The following NDFIP1 variants were observed in gnomAD, a reference collection of about 807,000 sequenced individuals.
The protein encoded by NDFIP1 is NEDD4 family-interacting protein 1.
A neutral mutation model predicts 28.8 loss-of-function variants in NDFIP1; 7 were observed. That is an observed-to-expected ratio of 0.24 (90% CI 0.14 to 0.46). The LOEUF (loss-of-function observed/expected upper bound fraction) is 0.46. Ranked by LOEUF, NDFIP1 falls within the 20% of genes least tolerant of loss-of-function variation. The pLI, the probability that NDFIP1 is intolerant of heterozygous loss-of-function variation, is 0.99. For missense variants in NDFIP1, 194 were observed against 269.1 expected, an observed-to-expected ratio of 0.72 and a Z score of 1.95; for synonymous variants, 92 against 101.0, an observed-to-expected ratio of 0.91 and a Z score of 0.53.
Position 142,137,890 on chromosome 5 carries a change from CAG to C in NDFIP1, c.495+37_495+38del, listed in dbSNP as rs1319963003. On this transcript the variant is annotated intron_variant, in intron 5 of 7. Coordinates refer to ENST00000253814, the MANE Select transcript of NDFIP1 (RefSeq NM_030571.4). ...TGTATAACAGAAAAGATGGGCTCTA[CAG>C]AGAGGCAATAATCAGAATATTTTTG... is the stretch of plus-strand genomic sequence containing the variant. 2.5e-6 allele frequency: 4 copies of C among 1,588,832 alleles called. No homozygotes were observed. The East Asian group carries it at 9.0e-5, about 36-fold the overall frequency.
chr5:142,134,548 C>T (rs1178348726), intron 3 of NDFIP1, among the ~76,000 whole-genome samples: 1 of 152,146 alleles, frequency 6.6e-6, no homozygotes, highest in Non-Finnish European at 1.5e-5. Context: ...GTTCCCACTC[C>T]CCAGGGGAAC....
intron 1 of NDFIP1, among the ~76,000 whole-genome samples, chr5:142,128,750 T>C (rs748767074): frequency 2.0e-5 from 3 of 152,168 alleles, no homozygotes; most frequent in Non-Finnish European, 4.4e-5. Context: ...TATTTTTCAA[T>C]TGAAAAAAGT....
intron 1 of NDFIP1, among the ~76,000 whole-genome samples, chr5:142,116,096 CTG>C (rs1757064540): frequency 1.3e-5 from 2 of 152,190 alleles, no homozygotes; most frequent in South Asian, 2.1e-4. Context: ...TGAGGGATGA[CTG>C]TATGATATGT....
At chr5:142,112,370 CAAG>C (rs1757023066) in intron 1 of NDFIP1, among the ~76,000 whole-genome samples, 1 of 149,882 alleles carries the variant, frequency 6.7e-6, no homozygotes, top group South Asian at 2.1e-4. Flanking sequence ...GGCGACAGAG[CAAG>C]ACTCTGTTTA....
intron 1 of NDFIP1, among the ~76,000 whole-genome samples, chr5:142,111,733 G>A (rs536837751): frequency 6.6e-6 from 1 of 152,342 alleles, no homozygotes; most frequent in African/African-American, 2.4e-5. Context: ...AGTGTAATAT[G>A]TGGACAACTT....
intron 7 of NDFIP1, among the ~76,000 whole-genome samples, chr5:142,146,885 G>C (rs1757394880): frequency 6.6e-6 from 1 of 152,144 alleles, no homozygotes; most frequent in African/African-American, 2.4e-5. Context: ...TAAAATTTCT[G>C]AAATGTTTTT....
intron 1 of NDFIP1, among the ~76,000 whole-genome samples, chr5:142,120,713 C>G (rs554139951): frequency 1.3e-5 from 2 of 152,300 alleles, no homozygotes; most frequent in African/African-American, 4.8e-5. Context: ...TGTTCTGTCC[C>G]CAGACCCCAC....
chr5:142,147,991 C>T (rs1418067115), intron 7 of NDFIP1, among the ~76,000 whole-genome samples: 1 of 152,172 alleles, frequency 6.6e-6, no homozygotes, highest in African/African-American at 2.4e-5. Context: ...TGGACTTCTA[C>T]TTCTTTGATG....
chr5:142,120,144 CG>C (rs1164972280), intron 1 of NDFIP1, among the ~76,000 whole-genome samples: 1 of 152,140 alleles, frequency 6.6e-6, no homozygotes, highest in East Asian at 1.9e-4. Flanking sequence ...TTAGTAGAGA[CG>C]GGGTTTCACT....
Position 142,134,599 on chromosome 5 carries a change from A to G in NDFIP1, c.283-1131A>G, listed in dbSNP as rs367672309. The stretch of plus-strand genomic sequence containing the variant: ...GGGTCTTCCAGACCCTTTTCTGTGT[A>G]CAACAAGTTTTGATATTCCCTAAAA... On this transcript the variant is annotated intron_variant, in intron 3 of 7. Transcript: ENST00000253814. Among the ~76,000 whole-genome samples the G allele has an allele frequency of 8.5e-5, 13 of 152,310 alleles. No homozygotes were observed. The East Asian group carries it at 1.7e-3, about 20-fold the overall frequency.
At chr5:142,123,012 G>C (rs191105416) in intron 1 of NDFIP1, among the ~76,000 whole-genome samples, 1 of 152,160 alleles carries the variant, frequency 6.6e-6, no homozygotes, top group Non-Finnish European at 1.5e-5. Context: ...GCCCAGGCTG[G>C]AGTGCAGTGG....
chr5:142,131,387 G>T (rs1757225516), intron 1 of NDFIP1, among the ~76,000 whole-genome samples: 1 of 152,142 alleles, frequency 6.6e-6, no homozygotes, highest in East Asian at 1.9e-4. Context: ...CGATTCTTGT[G>T]CCTCAGCCTC....
In NDFIP1 at chr5:142,153,094, T is replaced by C. The variant is rs1417867628; in HGVS notation, c.*1366T>C. 3 of 342,448 alleles carry C rather than the reference T, an allele frequency of 8.8e-6. No individual in the cohort carries two copies. The highest frequency in any genetic ancestry group is 1.7e-5 in the Non-Finnish European group (3 of 174,032). The allele number at this position is 342,448 out of a possible 1,614,324, so 21.2% of individuals were successfully genotyped here. On this transcript the variant is annotated 3_prime_UTR_variant, in exon 8 of 8. Transcript: ENST00000253814. Reference sequence around the variant, plus strand: ...TTTTAGATAATTTATTTCCAGTGTTTTCTGCATGTTCTCATTTGTTCTTTT... The same window carrying C: ...TTTTAGATAATTTATTTCCAGTGTTCTCTGCATGTTCTCATTTGTTCTTTT...
Position 142,108,964 on chromosome 5 carries a change from C to T in NDFIP1, c.-11C>T. The T allele has an allele frequency of 6.9e-7, 1 of 1,439,510 alleles. No homozygotes were observed. Among genetic ancestry groups the T allele is most frequent in the Non-Finnish European group, 9.1e-7 (1 of 1,099,516 alleles). 89.2% of individuals were successfully genotyped at this position (1,439,510 alleles called of 1,614,324 possible). On this transcript the variant is annotated 5_prime_UTR_variant, in exon 1 of 8. Coordinates refer to ENST00000253814, the MANE Select transcript of NDFIP1 (RefSeq NM_030571.4). Reference sequence around the variant, plus strand: ...GCTCGCTCGCTCTGCTTCCCTGCTGCCGGCTGCGCCATGGCGTTGGCGTTG... The same window carrying T: ...GCTCGCTCGCTCTGCTTCCCTGCTGTCGGCTGCGCCATGGCGTTGGCGTTG...
intron 6 of NDFIP1, among the ~76,000 whole-genome samples, chr5:142,141,862 G>A (rs928894209): frequency 1.3e-5 from 2 of 152,156 alleles, no homozygotes; most frequent in South Asian, 2.1e-4. Context: ...CAGGCATGGT[G>A]GCTCACGCCT....
intron 1 of NDFIP1, among the ~76,000 whole-genome samples, chr5:142,111,751 G>A (rs1434109694): frequency 6.6e-6 from 1 of 152,202 alleles, no homozygotes; most frequent in Non-Finnish European, 1.5e-5. Flanking sequence ...CTTGAATTTA[G>A]CATAGTGACA....
At chr5:142,147,100 T>C (rs772835597) in intron 7 of NDFIP1, among the ~76,000 whole-genome samples, 3 of 152,178 alleles carry the variant, frequency 2.0e-5, no homozygotes, top group Non-Finnish European at 4.4e-5. Flanking sequence ...GTTTATTTGC[T>C]TTTCTATTTA....
At chr5:142,142,127 A>G (rs1478261920) in intron 6 of NDFIP1, among the ~76,000 whole-genome samples, 3 of 152,064 alleles carry the variant, frequency 2.0e-5, no homozygotes, top group Non-Finnish European at 2.9e-5. Flanking sequence ...ACAGCAAGAC[A>G]GTGTCTCTAA....
rs141962368 is a variant in NDFIP1, at chr5:142,130,486, T to C, written c.64-1322T>C. Among the ~76,000 whole-genome samples, 10 of 152,310 alleles carry C rather than the reference T, an allele frequency of 6.6e-5. No homozygotes were observed. The East Asian group carries it at 1.9e-3, about 29-fold the overall frequency. On this transcript the variant is annotated intron_variant, in intron 1 of 7. Coordinates refer to ENST00000253814, the MANE Select transcript of NDFIP1 (RefSeq NM_030571.4). ...ATATAATGGTAACATGGTTTGTCTG[T>C]GATTTGTCTTTTGTCTTAACAGATT...
Sources: gnomAD v4.1 joint callset for allele counts (sites outside exome capture counted in the v4.1 genomes callset) on GRCh38, gnomAD v4.1.1 for gene constraint, MANE v1.5 for transcripts, NCBI Gene and HGNC (gene_info 2026-07-23, HGNC 2026-07-21) for gene names.